Variants in TUT4 observed in about 807,000 individuals in gnomAD.
The protein encoded by TUT4 is terminal uridylyltransferase 4.
In TUT4, 36 loss-of-function variants were observed where a neutral mutation model predicts 192.2. The observed-to-expected ratio is 0.19, with a 90% CI of 0.14 to 0.25. TUT4 has a LOEUF of 0.25. Among genes scored for constraint, TUT4 ranks in the 10% least tolerant of loss-of-function variants. The probability of loss-of-function intolerance (pLI) is 1.00; values close to 1 mark genes in which losing one functional copy is unlikely to be tolerated. For missense variants in TUT4, 1,493 were observed against 1,957.2 expected (o/e 0.76, Z 4.47); for synonymous variants, 618 against 666.0 (o/e 0.93, Z 1.11).
chr1:52,511,593 A>G (rs575507476), intron 3 of TUT4, among the ~76,000 whole-genome samples: 1 of 152,166 alleles, frequency 6.6e-6, no homozygotes, highest in Non-Finnish European at 1.5e-5. Context: ...AACTTTAAGG[A>G]AGTGAAGGAT....
At chr1:52,548,819 T>C (rs1023103464) in intron 1 of TUT4, among the ~76,000 whole-genome samples, 1 of 152,234 alleles carries the variant, frequency 6.6e-6, no homozygotes, top group South Asian at 2.1e-4. Flanking sequence ...CCATCTATAG[T>C]GGTGAACATC....
intron 12 of TUT4, among the ~76,000 whole-genome samples, chr1:52,476,804 C>T (rs1667206380): frequency 6.6e-6 from 1 of 152,148 alleles, no homozygotes; most frequent in Admixed American, 6.5e-5. Flanking sequence ...AGAAGGCCAG[C>T]AGGTGTGAGG....
At chr1:52,548,886 C>T (rs1431739874) in intron 1 of TUT4, among the ~76,000 whole-genome samples, 1 of 152,204 alleles carries the variant, frequency 6.6e-6, no homozygotes, top group Non-Finnish European at 1.5e-5. Context: ...ATGCCTTAAG[C>T]TATTGTTTTC....
chr1:52,480,058 T>C (rs1668119255), intron 11 of TUT4, among the ~76,000 whole-genome samples: 2 of 149,864 alleles, frequency 1.3e-5, no homozygotes, highest in South Asian at 4.2e-4. Context: ...AAATGGGCAG[T>C]TGGTTATACA....
In TUT4 at chr1:52,481,587, T is replaced by C. The variant is rs2148966406; in HGVS notation, c.1684A>G (p.Ile562Val). The change falls in exon 11 of 30, where the codon ATA becomes GTA. Residue 562 changes from isoleucine (I) to valine (V), a missense_variant. Physicochemically the swap from Ile to Val is conservative, Grantham distance 29. Coordinates refer to ENST00000257177, the MANE Select transcript of TUT4 (RefSeq NM_001009881.3). ...KRMDDFQLKG[I>V]VEEKFVKWEC... Reference sequence around the variant, plus strand: ...CACTTCACAAACTTCTCTTCTACTATGCCCTTCAGCTGAAAGTCATCCATT... The same window carrying C: ...CACTTCACAAACTTCTCTTCTACTACGCCCTTCAGCTGAAAGTCATCCATT... 2 of 1,613,702 alleles carry C rather than the reference T, an allele frequency of 1.2e-6. No individual in the cohort carries two copies. Among genetic ancestry groups the C allele is most frequent in the Non-Finnish European group, 1.7e-6 (2 of 1,179,942 alleles).
chr1:52,436,722 T>C, intron 26 of TUT4, 33 bp downstream of exon 26: 1 of 1,610,836 alleles, frequency 6.2e-7, no homozygotes, highest in Non-Finnish European at 8.5e-7. Flanking sequence ...ACTTCGTTTC[T>C]ACCAGAAACT....
intron 16 of TUT4, chr1:52,463,240 C>T: frequency 3.0e-6 from 3 of 987,282 alleles, no homozygotes; most frequent in Non-Finnish European, 3.6e-6. Flanking sequence ...ACTCTAACCT[C>T]TTTCCTGGGT....
intron 4 of TUT4, among the ~76,000 whole-genome samples, chr1:52,498,399 T>C (rs1673028249): frequency 6.6e-6 from 1 of 151,804 alleles, no homozygotes; most frequent in African/African-American, 2.4e-5. Flanking sequence ...ACCCGCCACC[T>C]CGCCTGGCTA....
chr1:52,501,052 G>C (rs189976237), intron 4 of TUT4, among the ~76,000 whole-genome samples: 4 of 152,312 alleles, frequency 2.6e-5, no homozygotes, highest in Admixed American at 2.6e-4. Flanking sequence ...ATTTGGCAAT[G>C]ATTTCTTGAA....
At chr1:52,425,158 A>T in intron 29 of TUT4, 191 bp downstream of exon 29, 1 of 537,822 alleles carries the variant, frequency 1.9e-6, no homozygotes, top group East Asian at 3.2e-5. Flanking sequence ...GGCTTTCCTA[A>T]TAAAGTGTGC....
At chr1:52,553,157 AG>A (rs1206306450), upstream of TUT4, 1 of 148,726 alleles carries the variant, frequency 6.7e-6, no homozygotes, top group Non-Finnish European at 1.5e-5. Context: ...GAGAAAGAGG[AG>A]GACCCGCTGA....
At chr1:52,546,138 CATAA>C (rs746375911) in intron 1 of TUT4, among the ~76,000 whole-genome samples, 2 of 151,876 alleles carry the variant, frequency 1.3e-5, no homozygotes, top group African/African-American at 2.4e-5. Context: ...GATCTTGTCT[CATAA>C]ATAAATAAAT....
chr1:52,544,381 C>A (rs570174266), intron 1 of TUT4, among the ~76,000 whole-genome samples: 7 of 151,242 alleles, frequency 4.6e-5, no homozygotes, highest in Non-Finnish European at 1.0e-4. Context: ...CAGAAATAAA[C>A]CCTCACATAT....
chr1:52,488,888 G>C, intron 9 of TUT4, 21 bp downstream of exon 9: 1 of 1,586,954 alleles, frequency 6.3e-7, no homozygotes, highest in Non-Finnish European at 8.5e-7. Context: ...TAAATAAGTA[G>C]TTTTCCTCTC....
chr1:52,509,772 C>CT (rs1210029072), intron 3 of TUT4, 60 bp from the exon 4 acceptor site: 4 of 949,854 alleles, frequency 4.2e-6, no homozygotes, highest in Admixed American at 3.7e-5. Context: ...AAACTATTGA[C>CT]TATATAAGTG....
chr1:52,495,428 T>G lies in TUT4; in HGVS notation c.1265A>C (p.Lys422Thr). ...ACAGGAAAGATTCTAATTACTTACC[T>G]TGGGAGGAAATTTTATATCTATATT... is the stretch of plus-strand genomic sequence containing the variant. ...DVNIDIKFPP[K>T]MNHPDLLIKV... is the part of the protein sequence containing the mutation. Residue 422 changes from lysine (K) to threonine (T), a missense_variant and splice_region_variant, in exon 6 of 30, where the codon AAG becomes ACG. Lys to Thr is a moderately conservative substitution (Grantham distance 78). Around this residue, in one of 7 missense-constraint regions of TUT4, gnomAD observed 437 missense variants for 577.6 expected, o/e 0.76. Coordinates refer to ENST00000257177, the MANE Select transcript of TUT4 (RefSeq NM_001009881.3). 1 of 1,592,912 alleles carries G rather than the reference T, an allele frequency of 6.3e-7. No homozygotes were observed.
At chr1:52,477,616 T>C in intron 12 of TUT4, 92 bp downstream of exon 12, 4 of 1,221,040 alleles carry the variant, frequency 3.3e-6, no homozygotes, top group Non-Finnish European at 4.5e-6. Context: ...ATATATATAG[T>C]GCCACAAAGC....
chr1:52,444,280 G>A (rs1212139965), intron 24 of TUT4, among the ~76,000 whole-genome samples: 2 of 151,930 alleles, frequency 1.3e-5, no homozygotes, highest in African/African-American at 2.4e-5. Flanking sequence ...CAGTAATTTC[G>A]TTTTTACATT....
chr1:52,459,187 G>A (rs914178146), intron 19 of TUT4, among the ~76,000 whole-genome samples: 5 of 152,066 alleles, frequency 3.3e-5, no homozygotes, highest in African/African-American at 1.2e-4. Context: ...TCGGGAGGCT[G>A]AGGCAGGAGA....
Sources: allele counts gnomAD v4.1 joint callset (sites outside exome capture counted in the v4.1 genomes callset), GRCh38; gene constraint gnomAD v4.1.1; regional missense constraint gnomAD v4.1.1; transcripts MANE v1.5; gene names NCBI Gene and HGNC (gene_info 2026-07-23, HGNC 2026-07-21).